FNBP4: variants seen among roughly 807,000 people sequenced by gnomAD.
FNBP4 encodes the protein formin-binding protein 4.
FNBP4 carries 34 observed loss-of-function variants against 119.3 expected under a neutral mutation model. The observed-to-expected ratio is 0.28, with a 90% CI of 0.22 to 0.38. The LOEUF is 0.38. Among genes scored for constraint, FNBP4 ranks in the 10% least tolerant of loss-of-function variants. The probability of loss-of-function intolerance (pLI) is 1.00; values close to 1 mark genes in which losing one functional copy is unlikely to be tolerated. For missense variants in FNBP4, 1,112 were observed against 1,228.9 expected (o/e 0.90, Z 1.42); for synonymous variants, 462 against 430.6 (o/e 1.07, Z -0.90).
chr11:47,754,441 A>G (rs1392058176), intron 3 of FNBP4, 87 bp downstream of exon 3: 2 of 1,295,784 alleles, frequency 1.5e-6, no homozygotes, highest in East Asian at 4.7e-5. Context: ...GGAGGAAGAC[A>G]TTGAACTGAC....
In FNBP4 at chr11:47,746,222, G is replaced by T; in HGVS notation, c.1079C>A (p.Thr360Lys). 6.2e-7 allele frequency: 1 copy of T among 1,614,016 alleles called. No homozygotes were observed. Among genetic ancestry groups the T allele is most frequent in the South Asian group, 1.1e-5 (1 of 91,074 alleles). The change falls in exon 7 of 17, where the codon ACA becomes AAA. Residue 360 changes from threonine (T) to lysine (K), a missense_variant. Coordinates refer to ENST00000263773, the MANE Select transcript of FNBP4 (RefSeq NM_015308.5). ...TATTGTTGTTGCTTCTTCTACTGTT[G>T]TACTTGTTTCTTTTACTTCTGAAAC... Reference protein sequence around the residue: ...EPVSEVKETSTTVEEATTIVK... With the variant: ...EPVSEVKETSKTVEEATTIVK...
intron 2 of FNBP4, 48 bp downstream of exon 2, chr11:47,765,222 A>C (rs1340689896): frequency 7.8e-7 from 1 of 1,287,898 alleles, no homozygotes; most frequent in Non-Finnish European, 1.1e-6. Flanking sequence ...ACTTGACTTT[A>C]ATGAAAGACG....
rs767278303 is a variant in FNBP4 at position 47,731,332 on chromosome 11, A to G, written c.2008+42T>C. ...TGTAAATTAATAAGATTTTTCCTCT[A>G]AAGTCATTTTGGCTGAATTAGTACA... On this transcript the variant is annotated intron_variant, in intron 12 of 16. Transcript: ENST00000263773. 4 of 1,527,082 alleles carry G rather than the reference A, an allele frequency of 2.6e-6. No homozygotes were observed. The South Asian group carries it at 3.9e-5, about 15-fold the overall frequency. The allele number at this position is 1,527,082 out of a possible 1,614,324, so 94.6% of individuals were successfully genotyped here.
At chr11:47,745,301 AG>A (rs1352350540) in intron 7 of FNBP4, among the ~76,000 whole-genome samples, 3 of 152,160 alleles carry the variant, frequency 2.0e-5, no homozygotes, top group African/African-American at 7.2e-5. Flanking sequence ...TGGACATGCA[AG>A]TAGGGAAGAT....
chr11:47,744,142 C>T lies in FNBP4; in HGVS notation c.1267G>A (p.Glu423Lys). The T allele has an allele frequency of 6.2e-7, 1 of 1,614,100 alleles. No homozygotes were observed. Among genetic ancestry groups the T allele is most frequent in the Non-Finnish European group, 8.5e-7 (1 of 1,179,994 alleles). Reference protein sequence around the residue: ...RKKAELRALEEGDGSVSGSSP... With the variant: ...RKKAELRALEKGDGSVSGSSP... ...GACCCTGACACACTACCATCTCCTTCCTCCAAGGCTCGCAACTCTGCCTAC... is the reference window on the plus strand; with the variant it reads ...GACCCTGACACACTACCATCTCCTTTCTCCAAGGCTCGCAACTCTGCCTAC... The change falls in exon 8 of 17, where the codon GAA becomes AAA. Residue 423 changes from glutamate (E) to lysine (K), a missense_variant. Transcript: ENST00000263773.
intron 2 of FNBP4, among the ~76,000 whole-genome samples, chr11:47,758,341 G>A (rs2097624563): frequency 1.3e-5 from 2 of 152,158 alleles, no homozygotes; most frequent in Non-Finnish European, 1.5e-5. Context: ...CTCCCATGTA[G>A]CTAGGACTAC....
rs745401670 is a variant in FNBP4 at position 47,724,062 on chromosome 11, A to G, written c.2430T>C (p.Ser810=). 8.7e-6 allele frequency: 14 copies of G among 1,614,078 alleles called. No individual in the cohort carries two copies. The highest frequency in any genetic ancestry group is 1.7e-6 in the Non-Finnish European group (2 of 1,180,036). The change falls in exon 14 of 17, where the codon TCT becomes TCC. Residue 810 remains serine (S), a synonymous_variant. Transcript: ENST00000263773. ...VVQRSATIGS[S]PVLYSQSAIA... ...TAGCTGACTGGCTATAGAGAACTGG[A>G]GAACTGCCAATGGTAGCTGACCTCT...
At chr11:47,747,063 TCTCA>T (rs1285275441) in intron 6 of FNBP4, among the ~76,000 whole-genome samples, 1 of 151,366 alleles carries the variant, frequency 6.6e-6, no homozygotes, top group Non-Finnish European at 1.5e-5. Flanking sequence ...TTTGAGAGAG[TCTCA>T]CTCTGTTGCC....
At chr11:47,724,863 G>C in intron 12 of FNBP4, 85 bp from the exon 13 acceptor site, 1 of 1,485,718 alleles carries the variant, frequency 6.7e-7, no homozygotes, top group South Asian at 1.4e-5. Context: ...TGGTCAGTAA[G>C]ATAATCATTT....
chr11:47,765,685 C>T (rs1035136209), intron 1 of FNBP4, among the ~76,000 whole-genome samples: 3 of 150,132 alleles, frequency 2.0e-5, no homozygotes, highest in African/African-American at 7.4e-5. Context: ...TGATGGCACT[C>T]GCTTGTAATC....
intron 4 of FNBP4, among the ~76,000 whole-genome samples, chr11:47,752,501 C>A: frequency 6.6e-6 from 1 of 151,672 alleles, no homozygotes; most frequent in Non-Finnish European, 1.5e-5. Context: ...AGTCTCTGGG[C>A]TTTCATCTTT....
At chr11:47,763,702 G>A (rs1041799624) in intron 2 of FNBP4, among the ~76,000 whole-genome samples, 16 of 151,978 alleles carry the variant, frequency 1.1e-4, no homozygotes, top group African/African-American at 3.4e-4. Context: ...GGGTTTCACC[G>A]TGTTAGCCAG....
chr11:47,759,135 G>T, intron 2 of FNBP4, among the ~76,000 whole-genome samples: 1 of 151,084 alleles, frequency 6.6e-6, no homozygotes, highest in East Asian at 2.0e-4. Flanking sequence ...GGCCACGCTG[G>T]TCTCGAACTC....
At chr11:47,731,768 T>C in intron 11 of FNBP4, 2 of 1,338,660 alleles carry the variant, frequency 1.5e-6, no homozygotes, top group Non-Finnish European at 1.9e-6. Context: ...AGCAACTCTG[T>C]GAATACAGCC....
chr11:47,724,642 TG>T lies in FNBP4; in HGVS notation c.2144del (p.Pro715HisfsTer26). ...GTGGAGGTGATTCTGGAGGTGGAGG[TG>T]GGGGTGGTGGCATTTCCAAGGGTAA... ...PPLPLEMPPPPPPPPESPPPP... is the reference protein window; with the variant it reads ...PPLPLEMPPPXPPPPESPPPP... On this transcript the variant is annotated frameshift_variant, in exon 13 of 17. Transcript: ENST00000263773. LOFTEE classifies it high-confidence loss of function. 1 of 1,612,904 alleles carries T rather than the reference TG, an allele frequency of 6.2e-7. No individual in the cohort carries two copies. Among genetic ancestry groups the T allele is most frequent in the Non-Finnish European group, 8.5e-7 (1 of 1,179,736 alleles).
chr11:47,751,688 C>T (rs568489359), intron 4 of FNBP4, among the ~76,000 whole-genome samples: 1 of 152,282 alleles, frequency 6.6e-6, no homozygotes, highest in South Asian at 2.1e-4. Context: ...TACAGTGGCT[C>T]ATGCCTGTAA....
rs760805924 is a variant in FNBP4 at position 47,765,321 on chromosome 11, T to A, written c.262A>T (p.Asn88Tyr). 3 of 1,611,540 alleles carry A rather than the reference T, an allele frequency of 1.9e-6. No homozygotes were observed. Among genetic ancestry groups the A allele is most frequent in the Non-Finnish European group, 2.5e-6 (3 of 1,179,156 alleles). Reference protein sequence around the residue: ...AVQEVPRVVQNPPKPVMTTRP... With the variant: ...AVQEVPRVVQYPPKPVMTTRP... ...GTGGTCATGACTGGTTTTGGAGGAT[T>A]CTGAACAACTCTAGGAACCTCCTGC... Residue 88 changes from asparagine to tyrosine, a missense_variant, in exon 2 of 17, where the codon AAT becomes TAT. This residue lies in a region of FNBP4 where 286 missense variants were observed against 240.1 expected (regional missense o/e 1.19). Transcript: ENST00000263773.
chr11:47,720,623 G>A (rs911283192), intron 15 of FNBP4, among the ~76,000 whole-genome samples: 2 of 151,270 alleles, frequency 1.3e-5, no homozygotes, highest in East Asian at 1.9e-4. Flanking sequence ...TTGTAAATGC[G>A]GTATTTTATA....
chr11:47,755,843 G>A (rs1277408498), intron 2 of FNBP4, among the ~76,000 whole-genome samples: 1 of 151,718 alleles, frequency 6.6e-6, no homozygotes, highest in Non-Finnish European at 1.5e-5. Context: ...AAATTAATCT[G>A]CATAGTTATT....
Sources: gnomAD v4.1 joint callset for allele counts (sites outside exome capture counted in the v4.1 genomes callset) on GRCh38, gnomAD v4.1.1 for gene constraint, gnomAD v4.1.1 regional missense constraint, MANE v1.5 for transcripts, NCBI Gene and HGNC (gene_info 2026-07-23, HGNC 2026-07-21) for gene names.